The following VSNL1 variants were observed in gnomAD, a reference collection of about 807,000 sequenced individuals.
VSNL1 encodes visinin like 1.
In VSNL1, 6 loss-of-function variants were observed where a neutral mutation model predicts 20.4. The observed-to-expected ratio is 0.29, with a 90% CI of 0.16 to 0.58. The LOEUF (loss-of-function observed/expected upper bound fraction) is 0.58, where lower values mean the gene tolerates loss of function less well. Ranked by LOEUF, VSNL1 falls within the 20% of genes least tolerant of loss-of-function variation. VSNL1 has a pLI of 0.90. For synonymous variants in VSNL1, 93 were observed against 86.4 expected, an observed-to-expected ratio of 1.08 and a Z score of -0.42; for missense variants, 100 against 234.5, an observed-to-expected ratio of 0.43 and a Z score of 3.75.
chr2:17,639,786 G>C (rs758072655), intron 2 of VSNL1, among the ~76,000 whole-genome samples: 1 of 152,182 alleles, frequency 6.6e-6, no homozygotes, highest in Non-Finnish European at 1.5e-5. Flanking sequence ...TGCTACCAGG[G>C]TCATCCAAAG....
intron 2 of VSNL1, among the ~76,000 whole-genome samples, chr2:17,597,600 A>C (rs1372774529): frequency 6.6e-6 from 1 of 152,162 alleles, no homozygotes. Flanking sequence ...ATATATTTGC[A>C]TATAACAAGA....
chr2:17,555,801 C>A (rs532471813), intron 1 of VSNL1, among the ~76,000 whole-genome samples: 1 of 152,254 alleles, frequency 6.6e-6, no homozygotes, highest in South Asian at 2.1e-4. Context: ...CCAGCCCCAA[C>A]CCTACTGTGA....
chr2:17,655,146 C>A lies in VSNL1; in HGVS notation c.379-51C>A, dbSNP rs1666199829. 6.3e-7 allele frequency: 1 copy of A among 1,589,802 alleles called. No homozygotes were observed. The highest frequency in any genetic ancestry group is 1.3e-5 in the African/African-American group (1 of 74,520). ...GTGAAAGGGAGGCAAGAAGAGCTCT[C>A]TGTCCTCCTGGGTTTCTGGTAATAT... is the stretch of plus-strand genomic sequence containing the variant. On this transcript the variant is annotated intron_variant, in intron 3 of 3. Transcript: ENST00000295156. This position sits in a 1 kb window ranked among gnomAD's most constrained non-coding sequence, Gnocchi z 5.2.
intron 2 of VSNL1, among the ~76,000 whole-genome samples, chr2:17,646,164 C>T (rs1352524467): frequency 1.3e-5 from 2 of 152,310 alleles, no homozygotes; most frequent in East Asian, 3.9e-4. Flanking sequence ...TGACACATAG[C>T]AGCTGCTCTC....
At chr2:17,566,818 C>A (rs1462578757) in intron 1 of VSNL1, among the ~76,000 whole-genome samples, 3 of 152,104 alleles carry the variant, frequency 2.0e-5, no homozygotes, top group Non-Finnish European at 4.4e-5. Context: ...AGGTTGAAAT[C>A]TAATTTTATT....
At chr2:17,567,063 C>T (rs1053030178) in intron 1 of VSNL1, among the ~76,000 whole-genome samples, 3 of 152,074 alleles carry the variant, frequency 2.0e-5, no homozygotes, top group Non-Finnish European at 4.4e-5. Flanking sequence ...TGGTCTTCCT[C>T]AAAGTTGTCT....
Position 17,656,085 on chromosome 2 carries a change from G to A in VSNL1, c.*691G>A, listed in dbSNP as rs1026547373. 3.9e-5 allele frequency: 6 copies of A among 152,470 alleles called. No homozygotes were observed. Among genetic ancestry groups the A allele is most frequent in the African/African-American group, 1.2e-4 (5 of 41,384 alleles). The allele number at this position is 152,470 out of a possible 1,614,324, so 9.4% of individuals were successfully genotyped here. On this transcript the variant is annotated 3_prime_UTR_variant, in exon 4 of 4. Coordinates refer to ENST00000295156, the MANE Select transcript of VSNL1 (RefSeq NM_003385.5). Reference sequence around the variant, plus strand: ...CATATACACAAAGATATTATTTATCGAAAGTAAAAAAGATGGAAGTGTATT... The same window carrying A: ...CATATACACAAAGATATTATTTATCAAAAGTAAAAAAGATGGAAGTGTATT...
intron 2 of VSNL1, among the ~76,000 whole-genome samples, chr2:17,635,397 G>C (rs945231864): frequency 6.6e-6 from 1 of 152,208 alleles, no homozygotes; most frequent in African/African-American, 2.4e-5. Flanking sequence ...GAGGGGACTT[G>C]CCTTAGCAAG....
rs753881086 is a variant in VSNL1 at position 17,655,241 on chromosome 2, T to C, written c.423T>C (p.Asn141=). Residue 141 remains asparagine, a synonymous_variant, in exon 4 of 4, where the codon AAT becomes AAC. Coordinates refer to ENST00000295156, the MANE Select transcript of VSNL1 (RefSeq NM_003385.5). The surrounding 1 kb of genome is among the most constrained non-coding windows in gnomAD (Gnocchi z 5.2). ...MVGTVIMMKM[N]EDGLTPEQRV... is the part of the protein sequence containing the mutation. Reference sequence around the variant, plus strand: ...GCACTGTGATCATGATGAAAATGAATGAGGATGGCCTGACGCCTGAGCAGC... The same window carrying C: ...GCACTGTGATCATGATGAAAATGAACGAGGATGGCCTGACGCCTGAGCAGC... 1.9e-5 allele frequency: 30 copies of C among 1,614,066 alleles called. No individual in the cohort carries two copies. Among genetic ancestry groups the C allele is most frequent in the Non-Finnish European group, 2.5e-5 (30 of 1,180,004 alleles).
chr2:17,580,255 GA>G (rs1664321302), intron 1 of VSNL1, among the ~76,000 whole-genome samples: 1 of 152,164 alleles, frequency 6.6e-6, no homozygotes, highest in Admixed American at 6.5e-5. Context: ...GTGAAGTCCA[GA>G]AAGGAATCTA....
chr2:17,603,441 A>G (rs79972066), intron 2 of VSNL1, among the ~76,000 whole-genome samples: 2 of 152,306 alleles, frequency 1.3e-5, no homozygotes, highest in African/African-American at 4.8e-5. Flanking sequence ...CAAAGAACCT[A>G]TCTCCTAAGA....
intron 2 of VSNL1, among the ~76,000 whole-genome samples, chr2:17,626,377 C>A (rs1665509189): frequency 6.6e-6 from 1 of 152,186 alleles, no homozygotes; most frequent in African/African-American, 2.4e-5. Context: ...GTCTTAGGAA[C>A]TGGGAACTGG....
chr2:17,622,592 GAA>G (rs1553303350), intron 2 of VSNL1, among the ~76,000 whole-genome samples: 86 of 124,716 alleles, frequency 6.9e-4, no homozygotes, highest in African/African-American at 2.4e-3. Context: ...AAGAAAGAAA[GAA>G]AGAAAGAAAA....
At chr2:17,610,043 T>C (rs1665048159) in intron 2 of VSNL1, among the ~76,000 whole-genome samples, 1 of 152,206 alleles carries the variant, frequency 6.6e-6, no homozygotes. Flanking sequence ...ATTACTTGAA[T>C]ATCACATAAT....
intron 1 of VSNL1, among the ~76,000 whole-genome samples, chr2:17,545,451 A>T (rs1041277446): frequency 2.0e-5 from 3 of 152,132 alleles, no homozygotes; most frequent in African/African-American, 7.2e-5. Context: ...ATTTTTACCT[A>T]TTTACAAGAA....
At chr2:17,626,754 G>C (rs1308409666) in intron 2 of VSNL1, among the ~76,000 whole-genome samples, 6 of 152,194 alleles carry the variant, frequency 3.9e-5, no homozygotes, top group Non-Finnish European at 8.8e-5. Context: ...TTTATTTTCA[G>C]TTTGGAGCAT....
chr2:17,559,959 G>A (rs1384270848), intron 1 of VSNL1, among the ~76,000 whole-genome samples: 1 of 151,688 alleles, frequency 6.6e-6, no homozygotes, highest in Non-Finnish European at 1.5e-5. Context: ...ACAAAAATTA[G>A]TAAAAACTGG....
At chr2:17,562,785 T>G (rs987740328) in intron 1 of VSNL1, among the ~76,000 whole-genome samples, 3 of 152,252 alleles carry the variant, frequency 2.0e-5, no homozygotes, top group African/African-American at 7.2e-5. Context: ...TAACTATAGA[T>G]AGCATTTCAG....
intron 1 of VSNL1, among the ~76,000 whole-genome samples, chr2:17,591,287 C>T (rs1417553296): frequency 3.3e-5 from 5 of 152,174 alleles, no homozygotes; most frequent in Admixed American, 6.5e-5. Flanking sequence ...TGCTCTGTCT[C>T]CCTACTCCCT....
Sources: gnomAD v4.1 joint callset for allele counts (sites outside exome capture counted in the v4.1 genomes callset) on GRCh38, gnomAD v4.1.1 for gene constraint, Gnocchi (gnomAD v3.1) non-coding constraint, MANE v1.5 for transcripts, NCBI Gene and HGNC (gene_info 2026-07-23, HGNC 2026-07-21) for gene names.